Variants in TARS3 observed in about 807,000 individuals in gnomAD.
TARS3 encodes the protein threonine--tRNA ligase 2, cytoplasmic.
In TARS3, 94 loss-of-function variants were observed where a neutral mutation model predicts 103.5. The ratio of observed to expected loss-of-function variants is 0.91; its 90% confidence interval spans 0.77 to 1.08. The LOEUF (loss-of-function observed/expected upper bound fraction) is 1.08, where lower values mean the gene tolerates loss of function less well. TARS3 is among the 50% of genes least tolerant of loss of function. The pLI is 0.00. For synonymous variants in TARS3, 416 were observed against 355.4 expected, an observed-to-expected ratio of 1.17 and a Z score of -1.92; for missense variants, 952 against 995.2, an observed-to-expected ratio of 0.96 and a Z score of 0.58.
chr15:101,684,210 A>C lies in TARS3; in HGVS notation c.1515T>G (p.Ser505=). 6.2e-7 allele frequency: 1 copy of C among 1,614,046 alleles called. No individual in the cohort carries two copies. Among genetic ancestry groups the C allele is most frequent in the Non-Finnish European group, 8.5e-7 (1 of 1,179,922 alleles). The change falls in exon 12 of 19, where the codon TCT becomes TCG. Residue 505 remains serine, a synonymous_variant. Transcript: ENST00000335968. ...HCLMFAHRPR[S]WREMPIRFAD... is the part of the protein sequence containing the mutation. ...CAAATCTAATAGGCATTTCCCTCCA[A>C]GATCGTGGACGATGGGCAAACATTA...
intron 10 of TARS3, among the ~76,000 whole-genome samples, chr15:101,688,937 T>C (rs1418963449): frequency 6.6e-6 from 1 of 152,200 alleles, no homozygotes; most frequent in Admixed American, 6.5e-5. Context: ...CAGTCCTATG[T>C]CTGTGGCTTT....
chr15:101,706,508 A>T (rs549144440), intron 6 of TARS3, among the ~76,000 whole-genome samples: 1 of 152,352 alleles, frequency 6.6e-6, no homozygotes, highest in African/African-American at 2.4e-5. Context: ...TAGGTTACAC[A>T]TGTAGCTCAG....
chr15:101,699,549 A>G, intron 10 of TARS3: 1 of 428,480 alleles, frequency 2.3e-6, no homozygotes, highest in Non-Finnish European at 4.7e-6. Context: ...CTGATTTTCC[A>G]GAGAAGACAG....
At chr15:101,686,444 G>C (rs1380610191) in intron 10 of TARS3, among the ~76,000 whole-genome samples, 2 of 152,062 alleles carry the variant, frequency 1.3e-5, no homozygotes, top group African/African-American at 2.4e-5. Flanking sequence ...ATGCCATGTT[G>C]CATGTTATAA....
intron 16 of TARS3, among the ~76,000 whole-genome samples, chr15:101,659,542 C>T (rs906368876): frequency 3.9e-5 from 6 of 152,126 alleles, no homozygotes; most frequent in Non-Finnish European, 8.8e-5. Flanking sequence ...AGTATACTTC[C>T]GTCTCTGCGA....
intron 16 of TARS3, among the ~76,000 whole-genome samples, chr15:101,658,854 G>A (rs1191087793): frequency 3.9e-5 from 6 of 152,152 alleles, no homozygotes; most frequent in Non-Finnish European, 8.8e-5. Context: ...GTGCAGTGGC[G>A]TGATCTCGGC....
chr15:101,684,346 T>G, intron 11 of TARS3, 109 bp from the exon 12 acceptor site: 2 of 1,127,372 alleles, frequency 1.8e-6, no homozygotes, highest in South Asian at 4.7e-5. Flanking sequence ...AACTCCTTAT[T>G]CTAGTTCTTA....
chr15:101,666,474 C>CAAAAAA (rs11450994), intron 15 of TARS3, among the ~76,000 whole-genome samples: 3 of 45,594 alleles, frequency 6.6e-5, no homozygotes, highest in Non-Finnish European at 1.4e-4. Context: ...AGACTCATCT[C>CAAAAAA]AAAAAAAAAA....
intron 16 of TARS3, among the ~76,000 whole-genome samples, chr15:101,658,181 T>C (rs558020777): frequency 1.3e-5 from 2 of 152,280 alleles, no homozygotes; most frequent in African/African-American, 4.8e-5. Flanking sequence ...CACACAATAC[T>C]GCTCACTAAC....
intron 18 of TARS3, among the ~76,000 whole-genome samples, chr15:101,656,196 A>T (rs1014496555): frequency 6.6e-6 from 1 of 152,230 alleles, no homozygotes; most frequent in African/African-American, 2.4e-5. Context: ...AGACCCTTCC[A>T]ACAAATGCTG....
At chr15:101,715,932 T>C (rs771338257) in intron 3 of TARS3, among the ~76,000 whole-genome samples, 14 of 152,260 alleles carry the variant, frequency 9.2e-5, no homozygotes, top group Non-Finnish European at 1.5e-4. Context: ...CAATGTGACA[T>C]TGAAAATTGT....
At chr15:101,679,140 T>C (rs1191488956) in intron 12 of TARS3, among the ~76,000 whole-genome samples, 1 of 152,204 alleles carries the variant, frequency 6.6e-6, no homozygotes, top group Non-Finnish European at 1.5e-5. Context: ...TTGGAGTTTA[T>C]CCTGAACAGC....
intron 10 of TARS3, among the ~76,000 whole-genome samples, chr15:101,695,248 T>C (rs1898912853): frequency 6.6e-6 from 1 of 152,146 alleles, no homozygotes; most frequent in Non-Finnish European, 1.5e-5. Flanking sequence ...GGAAGTTCCC[T>C]CCTGACCCCC....
chr15:101,655,941 T>C (rs1489451448), intron 18 of TARS3: 1 of 1,289,122 alleles, frequency 7.8e-7, no homozygotes, highest in African/African-American at 1.5e-5. Context: ...AAAAAGTTTG[T>C]TCTCTCTAGT....
intron 3 of TARS3, among the ~76,000 whole-genome samples, chr15:101,715,492 G>C (rs1216361339): frequency 6.6e-6 from 1 of 152,156 alleles, no homozygotes; most frequent in Non-Finnish European, 1.5e-5. Context: ...AAGCCCACAA[G>C]ATAAAATAAA....
At chr15:101,674,515 A>G (rs1220733402) in intron 13 of TARS3, among the ~76,000 whole-genome samples, 3 of 152,218 alleles carry the variant, frequency 2.0e-5, no homozygotes, top group Non-Finnish European at 2.9e-5. Flanking sequence ...GCCACAGTGC[A>G]TGAACAGTGC....
At chr15:101,721,431 G>A (rs8026439) in intron 2 of TARS3, 109 bp from the exon 3 acceptor site, 132,305 of 716,916 alleles carry the variant, frequency 0.18, 13,975 homozygotes, top group Non-Finnish European at 0.22. Flanking sequence ...TTCTACAGAT[G>A]GTCCCAAGCT....
chr15:101,710,753 C>T (rs939106655), intron 5 of TARS3, among the ~76,000 whole-genome samples: 3 of 152,044 alleles, frequency 2.0e-5, no homozygotes, highest in African/African-American at 7.2e-5. Flanking sequence ...AAGGTAAAGA[C>T]AAAATGCACC....
chr15:101,703,826 A>C, intron 8 of TARS3, 33 bp downstream of exon 8: 1 of 1,406,554 alleles, frequency 7.1e-7, no homozygotes, highest in Non-Finnish European at 1.0e-6. Flanking sequence ...GTGCACCTTA[A>C]GTTTACTGTA....
Sources: gnomAD v4.1 joint callset for allele counts (sites outside exome capture counted in the v4.1 genomes callset) on GRCh38, gnomAD v4.1.1 for gene constraint, MANE v1.5 for transcripts, NCBI Gene and HGNC (gene_info 2026-07-23, HGNC 2026-07-21) for gene names.